Variants in PLXNA4 observed in about 807,000 individuals in gnomAD.
PLXNA4 encodes the protein plexin A4.
A neutral mutation model predicts 191.8 loss-of-function variants in PLXNA4; 44 were observed. The ratio of observed to expected loss-of-function variants is 0.23; its 90% confidence interval spans 0.18 to 0.29. PLXNA4 has a LOEUF of 0.29. PLXNA4 is among the 10% of genes least tolerant of loss of function. The probability of loss-of-function intolerance (pLI) is 1.00; values close to 1 mark genes in which losing one functional copy is unlikely to be tolerated. For synonymous variants in PLXNA4, 1,082 were observed against 1,009.5 expected, an observed-to-expected ratio of 1.07 and a Z score of -1.36; for missense variants, 1,800 against 2,488.8, an observed-to-expected ratio of 0.72 and a Z score of 5.89.
At position 132,207,134 on chromosome 7, in the gene PLXNA4, T is replaced by C. The variant is rs976841630; in HGVS notation, c.2299-3715A>G. ...TTTGGGCAAACAAATCTCAACAACC[T>C]AATGCCACACAAGAAGCTGGTATGT... On this transcript the variant is annotated intron_variant, in intron 10 of 31. Coordinates refer to ENST00000321063, the MANE Select transcript of PLXNA4 (RefSeq NM_020911.2). 3.9e-5 allele frequency among the ~76,000 whole-genome samples: 6 copies of C among 152,180 alleles called. No homozygotes were observed. The East Asian group carries it at 1.2e-3, about 29-fold the overall frequency.
rs1333571279 is a variant in PLXNA4, at chr7:132,616,714, T to C, written c.-87+29214A>G. On this transcript the variant is annotated intron_variant, in intron 2 of 4. Coordinates refer to the PLXNA4 transcript ENST00000378539. ...AGAATAAATATAACTCAACATTCTA[T>C]TATGTTCTTCCTGCGCCCAGTGGAT... Among the ~76,000 whole-genome samples the C allele has an allele frequency of 3.3e-5, 5 of 152,194 alleles. No homozygotes were observed. In the East Asian group the frequency reaches 5.8e-4, roughly 18 times the overall value.
chr7:132,546,961 T>A (rs777335268), intron 1 of PLXNA4, among the ~76,000 whole-genome samples: 3 of 152,250 alleles, frequency 2.0e-5, no homozygotes, highest in Middle Eastern at 3.4e-3. Flanking sequence ...GTTTCACTAT[T>A]CCAGGAAAGG....
At chr7:132,340,794 C>T (rs1447587189) in intron 3 of PLXNA4, among the ~76,000 whole-genome samples, 1 of 152,228 alleles carries the variant, frequency 6.6e-6, no homozygotes, top group African/African-American at 2.4e-5. Context: ...TCTTGTGCCT[C>T]AGTCTCCTGA....
At chr7:132,541,662 G>A (rs186481080) in intron 1 of PLXNA4, among the ~76,000 whole-genome samples, 5 of 152,328 alleles carry the variant, frequency 3.3e-5, no homozygotes, top group Admixed American at 1.3e-4. Context: ...CCTTGCCCAC[G>A]TCAGTGAAAT....
chr7:132,177,087 GTGTA>G (rs1291726462), intron 20 of PLXNA4, among the ~76,000 whole-genome samples: 1 of 152,108 alleles, frequency 6.6e-6, no homozygotes, highest in Non-Finnish European at 1.5e-5. Context: ...GAGCACATGA[GTGTA>G]TGTCAGTGAG....
At chr7:132,172,782 A>AAT (rs1331355008) in intron 21 of PLXNA4, among the ~76,000 whole-genome samples, 4 of 150,750 alleles carry the variant, frequency 2.7e-5, no homozygotes, top group Non-Finnish European at 5.9e-5. Flanking sequence ...TAATAATAAT[A>AAT]AAGTTACATC....
At chr7:132,517,438 C>A (rs1234336979) in intron 1 of PLXNA4, among the ~76,000 whole-genome samples, 1 of 152,200 alleles carries the variant, frequency 6.6e-6, no homozygotes, top group Non-Finnish European at 1.5e-5. Context: ...GTGCACCCAC[C>A]AGGAACATCA....
chr7:132,201,273 G>A (rs767634841), intron 12 of PLXNA4, among the ~76,000 whole-genome samples: 2 of 152,120 alleles, frequency 1.3e-5, no homozygotes, highest in East Asian at 1.9e-4. Flanking sequence ...ACGGCAGGAC[G>A]ATCCATTTCT....
chr7:132,172,772 TA>T (rs1253470772), intron 21 of PLXNA4, among the ~76,000 whole-genome samples: 2 of 151,382 alleles, frequency 1.3e-5, no homozygotes, highest in South Asian at 2.1e-4. Flanking sequence ...ATAATAATAA[TA>T]ATAATAATAA....
At chr7:132,554,958 A>G (rs1800723607) in intron 1 of PLXNA4, among the ~76,000 whole-genome samples, 1 of 150,098 alleles carries the variant, frequency 6.7e-6, no homozygotes, top group Non-Finnish European at 1.5e-5. Context: ...ATAATTACTC[A>G]CTAATGGTTA....
At chr7:132,488,876 A>G (rs1469793165) in intron 3 of PLXNA4, among the ~76,000 whole-genome samples, 1 of 152,314 alleles carries the variant, frequency 6.6e-6, no homozygotes, top group South Asian at 2.1e-4. Context: ...CCCTGAATGC[A>G]TTCCAGATGA....
At chr7:132,327,396 A>G (rs1190871045) in intron 3 of PLXNA4, among the ~76,000 whole-genome samples, 1 of 152,218 alleles carries the variant, frequency 6.6e-6, no homozygotes, top group African/African-American at 2.4e-5. Context: ...ATAAACTTTT[A>G]CTTGAAGGTT....
intron 2 of PLXNA4, among the ~76,000 whole-genome samples, chr7:132,499,986 G>C (rs943931800): frequency 1.3e-5 from 2 of 152,134 alleles, no homozygotes; most frequent in African/African-American, 4.8e-5. Flanking sequence ...ATGGAGAAGA[G>C]CTCTCTCAGT....
intron 3 of PLXNA4, among the ~76,000 whole-genome samples, chr7:132,478,750 G>A (rs1322780554): frequency 1.3e-5 from 2 of 152,086 alleles, no homozygotes; most frequent in African/African-American, 4.8e-5. Context: ...CAATGATGAG[G>A]GCAGGTCGTC....
chr7:132,511,739 C>T (rs1302212580), intron 1 of PLXNA4, among the ~76,000 whole-genome samples: 1 of 152,190 alleles, frequency 6.6e-6, no homozygotes, highest in Non-Finnish European at 1.5e-5. Flanking sequence ...CCTGGTGGTA[C>T]ATCTCAAGAT....
At chr7:132,347,266 G>A (rs1254206717) in intron 3 of PLXNA4, among the ~76,000 whole-genome samples, 1 of 152,166 alleles carries the variant, frequency 6.6e-6, no homozygotes, top group African/African-American at 2.4e-5. Context: ...AGCCCAGAAA[G>A]GTTGCTGGGA....
intron 3 of PLXNA4, among the ~76,000 whole-genome samples, chr7:132,331,066 C>T (rs895484120): frequency 3.3e-5 from 5 of 152,070 alleles, no homozygotes; most frequent in Admixed American, 1.3e-4. Context: ...GGGGAGGGGC[C>T]GCTCAACCCT....
chr7:132,606,657 C>T (rs1802929231), intron 2 of PLXNA4, among the ~76,000 whole-genome samples: 1 of 129,810 alleles, frequency 7.7e-6, no homozygotes, highest in Non-Finnish European at 1.5e-5. Flanking sequence ...TATAGCAGAA[C>T]TAACTGAACC....
chr7:132,350,239 C>T (rs1276653847), intron 3 of PLXNA4, among the ~76,000 whole-genome samples: 2 of 152,178 alleles, frequency 1.3e-5, no homozygotes, highest in African/African-American at 2.4e-5. Flanking sequence ...TGCGGTGGCT[C>T]ACACCTGTAA....
Sources: gnomAD v4.1 joint callset for allele counts (sites outside exome capture counted in the v4.1 genomes callset) on GRCh38, gnomAD v4.1.1 for gene constraint, MANE v1.5 for transcripts, NCBI Gene and HGNC (gene_info 2026-07-23, HGNC 2026-07-21) for gene names.